ZSWIM5: variants seen among roughly 807,000 people sequenced by gnomAD.
ZSWIM5 encodes the protein zinc finger SWIM domain-containing protein 5.
In ZSWIM5, 55 loss-of-function variants were observed where a neutral mutation model predicts 119.6. The observed-to-expected ratio is 0.46, with a 90% CI of 0.37 to 0.58. The LOEUF (loss-of-function observed/expected upper bound fraction) is 0.58, where lower values mean the gene tolerates loss of function less well. Among genes scored for constraint, ZSWIM5 ranks in the 20% least tolerant of loss-of-function variants. ZSWIM5 has a pLI of 0.00. For missense variants in ZSWIM5, 1,193 were observed against 1,512.8 expected (o/e 0.79, Z 3.51); for synonymous variants, 537 against 606.9 (o/e 0.88, Z 1.69).
intron 1 of ZSWIM5, among the ~76,000 whole-genome samples, chr1:45,175,712 G>A (rs972416888): frequency 1.8e-4 from 27 of 151,106 alleles, no homozygotes; most frequent in Admixed American, 6.6e-5. Context: ...TCAGCCTCCC[G>A]AAGTGCTGGG....
At chr1:45,108,582 C>A (rs1645495459) in intron 1 of ZSWIM5, among the ~76,000 whole-genome samples, 1 of 151,962 alleles carries the variant, frequency 6.6e-6, no homozygotes, top group South Asian at 2.1e-4. Flanking sequence ...GAGTTATATT[C>A]TGTGCACTGA....
chr1:45,041,457 A>G (rs761552093), intron 6 of ZSWIM5, among the ~76,000 whole-genome samples: 3 of 152,154 alleles, frequency 2.0e-5, no homozygotes, highest in Non-Finnish European at 4.4e-5. Context: ...AAATTTGAAA[A>G]TACATATAAA....
intron 1 of ZSWIM5, among the ~76,000 whole-genome samples, chr1:45,093,117 G>T (rs550137637): frequency 6.6e-6 from 1 of 152,218 alleles, no homozygotes; most frequent in African/African-American, 2.4e-5. Flanking sequence ...CACCCAGGCA[G>T]TCTGGTTCTG....
At chr1:45,028,894 G>A (rs2148989047) in intron 11 of ZSWIM5, among the ~76,000 whole-genome samples, 1 of 152,266 alleles carries the variant, frequency 6.6e-6, no homozygotes, top group Admixed American at 6.5e-5. Context: ...ACCAGCTAGG[G>A]TAACATAGGA....
In ZSWIM5 at chr1:45,193,938, G is replaced by GTGTA. The variant is rs766920512; in HGVS notation, c.595+11817_595+11818insTACA. Among the ~76,000 whole-genome samples, 1,117 of 146,268 alleles carry GTGTA rather than the reference G, an allele frequency of 7.6e-3. 15 individuals carry two copies. Among genetic ancestry groups the GTGTA allele is most frequent in the African/African-American group, 0.027 (1,069 of 39,596 alleles). On this transcript the variant is annotated intron_variant, in intron 1 of 13. Transcript: ENST00000359600. ...TATGTGTACATATGTGTGCATATGT[G>GTGTA]TATATATATATATATATACATACAT... is the stretch of plus-strand genomic sequence containing the variant.
Position 45,058,778 on chromosome 1 carries a change from CA to C in ZSWIM5, c.1102-20del. On this transcript the variant is annotated intron_variant, in intron 3 of 13. Coordinates refer to ENST00000359600, the MANE Select transcript of ZSWIM5 (RefSeq NM_020883.2). ...CTCGAACCTGACACATAAGAAGTGGCAAGGGATTGGTGATTGTGTATCACAA... is the reference window on the plus strand; with the variant it reads ...CTCGAACCTGACACATAAGAAGTGGCAGGGATTGGTGATTGTGTATCACAA... The C allele has an allele frequency of 6.2e-7, 1 of 1,612,756 alleles. No individual in the cohort carries two copies. Among genetic ancestry groups the C allele is most frequent in the Non-Finnish European group, 8.5e-7 (1 of 1,179,688 alleles).
intron 11 of ZSWIM5, among the ~76,000 whole-genome samples, chr1:45,023,711 A>C (rs1031066708): frequency 2.6e-5 from 4 of 152,188 alleles, no homozygotes; most frequent in African/African-American, 9.7e-5. Context: ...AAATAATTTC[A>C]AATAGGTTAA....
chr1:45,042,953 G>A (rs1267520339), intron 6 of ZSWIM5, among the ~76,000 whole-genome samples: 2 of 152,292 alleles, frequency 1.3e-5, no homozygotes, highest in South Asian at 2.1e-4. Context: ...CTTTGTTAAT[G>A]CTCTTTGAGA....
intron 8 of ZSWIM5, among the ~76,000 whole-genome samples, chr1:45,036,972 AT>A (rs58648834): frequency 0.01 from 1,484 of 144,416 alleles, 25 homozygotes; most frequent in African/African-American, 0.036. Flanking sequence ...ATAATTTTTA[AT>A]TTTTTTTTGT....
chr1:45,128,250 A>G (rs1645632581), intron 1 of ZSWIM5, among the ~76,000 whole-genome samples: 1 of 152,152 alleles, frequency 6.6e-6, no homozygotes, highest in Non-Finnish European at 1.5e-5. Flanking sequence ...ACACTGTCTT[A>G]GTCTGTCATC....
At chr1:45,061,738 GT>G (rs113825465) in intron 2 of ZSWIM5, among the ~76,000 whole-genome samples, 94,123 of 142,600 alleles carry the variant, frequency 0.66, 31,183 homozygotes, top group East Asian at 0.85. Flanking sequence ...CACCTCACCA[GT>G]TTTTTTTTTT....
At chr1:45,155,034 T>C (rs1283350363) in intron 1 of ZSWIM5, among the ~76,000 whole-genome samples, 3 of 151,680 alleles carry the variant, frequency 2.0e-5, no homozygotes, top group Admixed American at 6.6e-5. Flanking sequence ...CAAAGATAAA[T>C]AGGTGGAACT....
intron 1 of ZSWIM5, among the ~76,000 whole-genome samples, chr1:45,117,522 A>T (rs1161233953): frequency 1.3e-5 from 2 of 152,202 alleles, no homozygotes; most frequent in Non-Finnish European, 2.9e-5. Context: ...AAAATAAAAA[A>T]ATTAGCCAGG....
chr1:45,153,900 C>T (rs1486810896), intron 1 of ZSWIM5, among the ~76,000 whole-genome samples: 1 of 152,078 alleles, frequency 6.6e-6, no homozygotes, highest in African/African-American at 2.4e-5. Context: ...TTCAGCTAAG[C>T]TTTAGGATAC....
At chr1:45,189,522 G>C (rs534711067) in intron 1 of ZSWIM5, among the ~76,000 whole-genome samples, 1 of 152,088 alleles carries the variant, frequency 6.6e-6, no homozygotes, top group Non-Finnish European at 1.5e-5. Context: ...TTGGGAGGCC[G>C]AGGTAGGTGG....
chr1:45,134,600 A>T (rs1184372548), intron 1 of ZSWIM5, among the ~76,000 whole-genome samples: 1 of 152,256 alleles, frequency 6.6e-6, no homozygotes, highest in Non-Finnish European at 1.5e-5. Flanking sequence ...GACTGGAAAA[A>T]GCAGCAGAGG....
At chr1:45,126,217 GAA>G (rs551160977) in intron 1 of ZSWIM5, among the ~76,000 whole-genome samples, 2 of 125,688 alleles carry the variant, frequency 1.6e-5, no homozygotes, top group South Asian at 2.4e-4. Context: ...CCATGAAACT[GAA>G]AAAAAAAAAA....
At chr1:45,171,365 T>C (rs1019186348) in intron 1 of ZSWIM5, among the ~76,000 whole-genome samples, 2 of 152,064 alleles carry the variant, frequency 1.3e-5, no homozygotes, top group Non-Finnish European at 2.9e-5. Context: ...AATTTTATAT[T>C]GAAAAAACTA....
intron 1 of ZSWIM5, among the ~76,000 whole-genome samples, chr1:45,169,627 A>G (rs1256314499): frequency 6.6e-6 from 1 of 152,072 alleles, no homozygotes; most frequent in East Asian, 1.9e-4. Context: ...TCACTTTTCT[A>G]TTCAGGTACC....
Sources: allele counts gnomAD v4.1 joint callset (sites outside exome capture counted in the v4.1 genomes callset), GRCh38; gene constraint gnomAD v4.1.1; transcripts MANE v1.5; gene names NCBI Gene and HGNC (gene_info 2026-07-23, HGNC 2026-07-21).